Variants in GSK3B observed in about 807,000 individuals in gnomAD.
GSK3B encodes glycogen synthase kinase 3 beta.
Under a neutral mutation model 56.4 loss-of-function variants are expected in GSK3B, and 15 were observed. That is an observed-to-expected ratio of 0.27 (90% CI 0.18 to 0.41). The LOEUF (loss-of-function observed/expected upper bound fraction) is 0.41, where lower values mean the gene tolerates loss of function less well. Ranked by LOEUF, GSK3B falls within the 10% of genes least tolerant of loss-of-function variation. GSK3B has a pLI of 1.00. For synonymous variants in GSK3B, 181 were observed against 188.9 expected, an observed-to-expected ratio of 0.96 and a Z score of 0.34; for missense variants, 300 against 513.4, an observed-to-expected ratio of 0.58 and a Z score of 4.02.
At chr3:120,014,085 A>G (rs1206842947) in intron 1 of GSK3B, among the ~76,000 whole-genome samples, 1 of 150,660 alleles carries the variant, frequency 6.6e-6, no homozygotes, top group African/African-American at 2.4e-5. Context: ...CAGTGAGCCA[A>G]GATCATGCCA....
At chr3:119,926,493 GGA>G (rs2107469209) in intron 3 of GSK3B, among the ~76,000 whole-genome samples, 1 of 152,164 alleles carries the variant, frequency 6.6e-6, no homozygotes, top group South Asian at 2.1e-4. Flanking sequence ...CCTTTCACGT[GGA>G]TTACTGTAAT....
intron 2 of GSK3B, among the ~76,000 whole-genome samples, chr3:119,967,844 C>T (rs911664144): frequency 1.1e-5 from 1 of 91,638 alleles, no homozygotes; most frequent in Non-Finnish European, 2.3e-5. Context: ...TTCTCTCTCT[C>T]TCTCTCTCTC....
At chr3:120,051,474 G>T (rs956648510) in intron 1 of GSK3B, among the ~76,000 whole-genome samples, 4 of 152,108 alleles carry the variant, frequency 2.6e-5, no homozygotes, top group African/African-American at 9.7e-5. Flanking sequence ...ATTATAAAAA[G>T]CACTATACTG....
chr3:119,962,816 G>T (rs2057284790), intron 2 of GSK3B, among the ~76,000 whole-genome samples: 2 of 152,182 alleles, frequency 1.3e-5, no homozygotes, highest in Admixed American at 1.3e-4. Flanking sequence ...AAGGTTTCAG[G>T]ATGAAACTGT....
chr3:119,869,789 T>C (rs766030788), intron 8 of GSK3B, among the ~76,000 whole-genome samples: 1 of 152,218 alleles, frequency 6.6e-6, no homozygotes, highest in Non-Finnish European at 1.5e-5. Context: ...TCACTTAAAG[T>C]TGCAGTTTCT....
intron 1 of GSK3B, among the ~76,000 whole-genome samples, chr3:120,059,959 C>T (rs2058222545): frequency 6.6e-6 from 1 of 152,148 alleles, no homozygotes; most frequent in Non-Finnish European, 1.5e-5. Context: ...TACTGAGTGC[C>T]CACTATTCAT....
chr3:119,823,191 A>G lies in GSK3B; in HGVS notation c.*3597T>C. The G allele has an allele frequency of 4.4e-6, 1 of 228,472 alleles. No individual in the cohort carries two copies. Among genetic ancestry groups the G allele is most frequent in the Non-Finnish European group, 8.7e-6 (1 of 114,984 alleles). The allele number at this position is 228,472 out of a possible 1,614,324, so 14.2% of individuals were successfully genotyped here. A position where few individuals can be genotyped will look rare whatever the true frequency, so the allele number is the denominator to read the frequency against. On this transcript the variant is annotated 3_prime_UTR_variant, in exon 11 of 11. Transcript: ENST00000264235. ...AAGACATTTTATATGGACTACTTTG[A>G]GGCAAAACATTCTATTTTTCTTTCA...
At chr3:120,018,174 T>C (rs879859313) in intron 1 of GSK3B, among the ~76,000 whole-genome samples, 11 of 152,156 alleles carry the variant, frequency 7.2e-5, no homozygotes, top group Admixed American at 2.6e-4. Flanking sequence ...GAAGAACCAG[T>C]ACTAAATCAG....
intron 9 of GSK3B, among the ~76,000 whole-genome samples, chr3:119,853,106 TG>T (rs1465746396): frequency 6.6e-6 from 1 of 152,206 alleles, no homozygotes; most frequent in Non-Finnish European, 1.5e-5. Context: ...TTGTATCAGG[TG>T]TAAGGAAGGG....
chr3:119,841,431 G>A (rs2055770805), intron 10 of GSK3B, among the ~76,000 whole-genome samples: 1 of 152,158 alleles, frequency 6.6e-6, no homozygotes, highest in Non-Finnish European at 1.5e-5. Flanking sequence ...AATGAGCTCA[G>A]TAAGTAAATG....
At chr3:120,017,121 T>A (rs567006721) in intron 1 of GSK3B, among the ~76,000 whole-genome samples, 1 of 152,178 alleles carries the variant, frequency 6.6e-6, no homozygotes, top group East Asian at 1.9e-4. Context: ...GACACTATAT[T>A]TAAATTTTTC....
At chr3:120,057,326 T>C (rs2058199487) in intron 1 of GSK3B, among the ~76,000 whole-genome samples, 1 of 152,132 alleles carries the variant, frequency 6.6e-6, no homozygotes, top group Non-Finnish European at 1.5e-5. Flanking sequence ...GTAACGTGAC[T>C]AGGAACTTCT....
chr3:119,843,270 C>T lies in GSK3B; in HGVS notation c.1180G>A (p.Ala394Thr). ...ACGTTCTTACCTGACGCTGCTGTGG[C>T]ATTTGTGGGGGTTGAAGCAGCTGCT... Reference protein sequence around the residue: ...IQAAASTPTNATAASDANTGD... With the variant: ...IQAAASTPTNTTAASDANTGD... The change falls in exon 10 of 11, where the codon GCC (alanine) becomes ACC (threonine). Residue 394 changes from alanine to threonine, a missense_variant. Physicochemically the swap from Ala to Thr is moderately conservative, Grantham distance 58. This residue lies in a region of GSK3B where 88 missense variants were observed against 92.7 expected (regional missense o/e 0.95). Coordinates refer to ENST00000264235, the MANE Select transcript of GSK3B (RefSeq NM_001146156.2). The T allele has an allele frequency of 6.2e-7, 1 of 1,605,556 alleles. No individual in the cohort carries two copies. The highest frequency in any genetic ancestry group is 8.5e-7 in the Non-Finnish European group (1 of 1,173,710).
At chr3:120,058,882 C>A (rs888172159) in intron 1 of GSK3B, among the ~76,000 whole-genome samples, 1 of 151,820 alleles carries the variant, frequency 6.6e-6, no homozygotes, top group African/African-American at 2.4e-5. Context: ...TGGCAGCATG[C>A]GCCTGTAGTC....
chr3:119,920,536 C>T (rs1351914416), intron 4 of GSK3B, among the ~76,000 whole-genome samples: 7 of 152,160 alleles, frequency 4.6e-5, no homozygotes, highest in African/African-American at 1.4e-4. Flanking sequence ...AGCCAATGTG[C>T]CTGACCTCAG....
chr3:120,050,956 C>T (rs2058143650), intron 1 of GSK3B, among the ~76,000 whole-genome samples: 1 of 152,062 alleles, frequency 6.6e-6, no homozygotes, highest in African/African-American at 2.4e-5. Context: ...AAGTGCTCTG[C>T]AGGCAAGACT....
chr3:119,961,632 C>CA (rs1211316414), intron 2 of GSK3B, among the ~76,000 whole-genome samples: 405 of 95,862 alleles, frequency 4.2e-3, no homozygotes, highest in Admixed American at 8.3e-3. Context: ...GTCTCACAAA[C>CA]AAAAAAAAAA....
chr3:119,919,629 T>C (rs1305628633), intron 4 of GSK3B, among the ~76,000 whole-genome samples: 1 of 151,060 alleles, frequency 6.6e-6, no homozygotes, highest in Non-Finnish European at 1.5e-5. Flanking sequence ...GTATGTACAA[T>C]AATTTTATTT....
chr3:119,929,652 C>G (rs2056923381), intron 3 of GSK3B, among the ~76,000 whole-genome samples: 1 of 152,178 alleles, frequency 6.6e-6, no homozygotes, highest in East Asian at 1.9e-4. Context: ...CCTGTAATCC[C>G]AGCACTTTGG....
Sources: allele counts gnomAD v4.1 joint callset (sites outside exome capture counted in the v4.1 genomes callset), GRCh38; gene constraint gnomAD v4.1.1; regional missense constraint gnomAD v4.1.1; transcripts MANE v1.5; gene names NCBI Gene and HGNC (gene_info 2026-07-23, HGNC 2026-07-21).